The following GRAMD1C variants were observed in gnomAD, a reference collection of about 807,000 sequenced individuals.
GRAMD1C encodes GRAM domain containing 1C.
In GRAMD1C, 89 loss-of-function variants were observed where a neutral mutation model predicts 97.8. That is an observed-to-expected ratio of 0.91 (90% confidence interval 0.77 to 1.09). GRAMD1C has a LOEUF of 1.09. Among genes scored for constraint, GRAMD1C ranks in the 50% least tolerant of loss-of-function variants. The pLI is 0.00. For synonymous variants in GRAMD1C, 256 were observed against 267.0 expected (o/e 0.96, Z 0.40); for missense variants, 740 against 766.4 (o/e 0.97, Z 0.41).
chr3:113,919,139 G>A (rs1403536755), intron 10 of GRAMD1C: 2 of 210,210 alleles, frequency 9.5e-6, no homozygotes, highest in African/African-American at 4.7e-5. Context: ...CAAATTAGGG[G>A]TGCTGAGCAG....
At chr3:113,899,932 T>G (rs1400119298) in intron 6 of GRAMD1C, among the ~76,000 whole-genome samples, 1 of 152,162 alleles carries the variant, frequency 6.6e-6, no homozygotes, top group Non-Finnish European at 1.5e-5. Context: ...AGTTTAAAAT[T>G]TATTGATATA....
chr3:113,857,164 AAAAC>A (rs201741703), intron 2 of GRAMD1C, among the ~76,000 whole-genome samples: 117 of 130,088 alleles, frequency 9.0e-4, no homozygotes, highest in Non-Finnish European at 1.6e-3. Flanking sequence ...TTCCTTAAAA[AAAAC>A]AAACAAACAA....
At position 113,915,851 on chromosome 3, in the gene GRAMD1C, G is replaced by C. The variant is rs569798906; in HGVS notation, c.1090+13G>C. ...AGAAATATAATAGGTTAGTCCTTGT[G>C]TTCTTACCTAATGATAAATTTGGGA... On this transcript the variant is annotated intron_variant, in intron 10 of 17. Transcript: ENST00000358160. 4.9e-5 allele frequency: 78 copies of C among 1,588,252 alleles called. No individual in the cohort carries two copies. The highest frequency in any genetic ancestry group is 1.2e-4 in the Admixed American group (7 of 58,598).
intron 5 of GRAMD1C, among the ~76,000 whole-genome samples, chr3:113,878,515 TC>T (rs1935136264): frequency 6.6e-6 from 1 of 152,112 alleles, no homozygotes; most frequent in Non-Finnish European, 1.5e-5. Flanking sequence ...ATGTATATAA[TC>T]ACACACACAT....
chr3:113,935,303 T>G (rs1163349274), intron 13 of GRAMD1C, among the ~76,000 whole-genome samples: 2 of 152,134 alleles, frequency 1.3e-5, no homozygotes, highest in Admixed American at 1.3e-4. Context: ...CTGTGCTGTC[T>G]AAGCTCTGGG....
Position 113,934,176 on chromosome 3 carries a change from A to G in GRAMD1C, c.1353-256A>G, listed in dbSNP as rs558526335. On this transcript the variant is annotated intron_variant, in intron 12 of 17. Coordinates refer to ENST00000358160, the MANE Select transcript of GRAMD1C (RefSeq NM_017577.5). ...TTATTTTGAGCCTTCATTGCTATTT[A>G]GATAAATAAAATTTAGGGCTAGAGA... Among the ~76,000 whole-genome samples the G allele has an allele frequency of 7.9e-5, 12 of 152,360 alleles. No individual in the cohort carries two copies. The South Asian group carries it at 2.5e-3, about 32-fold the overall frequency.
At chr3:113,905,553 C>A (rs1368914424) in intron 8 of GRAMD1C, among the ~76,000 whole-genome samples, 1 of 152,140 alleles carries the variant, frequency 6.6e-6, no homozygotes, top group Non-Finnish European at 1.5e-5. Flanking sequence ...CTTTTCTTTT[C>A]TTTTCTCAAC....
chr3:113,872,235 A>T (rs982639685), intron 3 of GRAMD1C, among the ~76,000 whole-genome samples: 1 of 152,082 alleles, frequency 6.6e-6, no homozygotes, highest in Non-Finnish European at 1.5e-5. Flanking sequence ...GTAATTTCTT[A>T]GGTATAATTT....
At chr3:113,841,572 G>A (rs968111002) in intron 1 of GRAMD1C, among the ~76,000 whole-genome samples, 3 of 152,114 alleles carry the variant, frequency 2.0e-5, no homozygotes, top group Non-Finnish European at 2.9e-5. Context: ...ACAGCATGGC[G>A]TGAGCCACCG....
intron 10 of GRAMD1C, 145 bp downstream of exon 10, chr3:113,915,983 T>G: frequency 1.6e-6 from 1 of 635,822 alleles, no homozygotes; most frequent in Non-Finnish European, 2.7e-6. Context: ...TAAACTGGTA[T>G]TCAAATGTTT....
In GRAMD1C at chr3:113,946,764, C is replaced by G. The variant is rs1938107697; in HGVS notation, c.*1286C>G. On this transcript the variant is annotated 3_prime_UTR_variant, in exon 18 of 18. Transcript: ENST00000358160. ...TTTTTCTCCAGAGTCCCCAAAGCCA[C>G]ATGGCATTATTATAGTCATTTTTGA... The G allele has an allele frequency of 6.6e-6, 1 of 152,214 alleles. No homozygotes were observed. 9.4% of individuals were successfully genotyped at this position (152,214 alleles called of 1,614,324 possible).
At chr3:113,865,927 C>T (rs1004421400) in intron 2 of GRAMD1C, among the ~76,000 whole-genome samples, 29 of 152,000 alleles carry the variant, frequency 1.9e-4, no homozygotes, top group Non-Finnish European at 2.1e-4. Flanking sequence ...TAATTTTATT[C>T]TGTGTTCATA....
chr3:113,875,161 G>A (rs1934977266), intron 3 of GRAMD1C, among the ~76,000 whole-genome samples: 1 of 151,656 alleles, frequency 6.6e-6, no homozygotes, highest in Admixed American at 6.6e-5. Flanking sequence ...AATCCTTCCT[G>A]ATGCACACTC....
intron 14 of GRAMD1C, 60 bp downstream of exon 14, chr3:113,936,502 TG>T (rs1401609854): frequency 9.4e-7 from 1 of 1,068,184 alleles, no homozygotes; most frequent in Non-Finnish European, 1.4e-6. Flanking sequence ...TGAAGCAGAA[TG>T]TGCCTCTTGT....
At chr3:113,885,678 G>A in intron 6 of GRAMD1C, 1 of 1,519,208 alleles carries the variant, frequency 6.6e-7, no homozygotes. Flanking sequence ...GTACGAGCTG[G>A]TGGTGTTTAC....
intron 17 of GRAMD1C, 138 bp from the exon 18 acceptor site, chr3:113,945,259 TG>T (rs1938011278): frequency 1.6e-6 from 1 of 629,694 alleles, no homozygotes; most frequent in African/African-American, 1.9e-5. Context: ...TCAGGTATTT[TG>T]TATTTAACGT....
At chr3:113,902,498 T>A (rs1936213657) in intron 7 of GRAMD1C, among the ~76,000 whole-genome samples, 1 of 152,170 alleles carries the variant, frequency 6.6e-6, no homozygotes, top group African/African-American at 2.4e-5. Flanking sequence ...ATCTTTTCAT[T>A]TTTTTGATTC....
intron 10 of GRAMD1C, among the ~76,000 whole-genome samples, chr3:113,929,008 A>G (rs1937322424): frequency 6.6e-6 from 1 of 152,180 alleles, no homozygotes; most frequent in Admixed American, 6.5e-5. Context: ...TTGCTGCATC[A>G]TATAGTAATT....
intron 9 of GRAMD1C, among the ~76,000 whole-genome samples, chr3:113,911,455 A>T (rs1936572335): frequency 5.3e-5 from 8 of 151,962 alleles, no homozygotes; most frequent in Admixed American, 5.2e-4. Flanking sequence ...CATGTTGGCC[A>T]GGGTGGTCTT....
Sources: gnomAD v4.1 joint callset for allele counts (sites outside exome capture counted in the v4.1 genomes callset) on GRCh38, gnomAD v4.1.1 for gene constraint, MANE v1.5 for transcripts, NCBI Gene and HGNC (gene_info 2026-07-23, HGNC 2026-07-21) for gene names.